The following CXADR variants were observed in gnomAD, a reference collection of about 807,000 sequenced individuals.
CXADR encodes coxsackievirus and adenovirus receptor.
In CXADR, 20 loss-of-function variants were observed where a neutral mutation model predicts 40.3. The ratio of observed to expected loss-of-function variants is 0.50; its 90% confidence interval spans 0.35 to 0.72. CXADR has a LOEUF of 0.72. Ranked by LOEUF, CXADR falls within the 30% of genes least tolerant of loss-of-function variation. The pLI, the probability that CXADR is intolerant of heterozygous loss-of-function variation, is 0.01. For missense variants in CXADR, 332 were observed against 449.1 expected, an observed-to-expected ratio of 0.74 and a Z score of 2.36; for synonymous variants, 150 against 161.3, an observed-to-expected ratio of 0.93 and a Z score of 0.53.
Position 17,546,607 on chromosome 21 carries a change from A to G in CXADR, c.44-420A>G, listed in dbSNP as rs2060900357. ...AGGGGGAAATCCACCCCCATGATCC[A>G]GTCACCTCCCACCAGGCCTCTCTTC... On this transcript the variant is annotated intron_variant, in intron 1 of 6. Transcript: ENST00000284878. Among the ~76,000 whole-genome samples, 4 of 152,302 alleles carry G rather than the reference A, an allele frequency of 2.6e-5. No homozygotes were observed. The South Asian group carries it at 8.3e-4, about 32-fold the overall frequency.
chr21:17,611,159 C>T, the CXADR span, among the ~76,000 whole-genome samples: 375 of 152,300 alleles, frequency 2.5e-3, no homozygotes, highest in African/African-American at 8.4e-3. Context: ...TGTAAAGCTA[C>T]GTTTATATTC....
the CXADR span, among the ~76,000 whole-genome samples, chr21:17,619,897 TCTGCAA>T: frequency 6.6e-6 from 1 of 152,086 alleles, no homozygotes; most frequent in Non-Finnish European, 1.5e-5. Flanking sequence ...CAACTTTTCA[TCTGCAA>T]CTGCCTCACC....
At position 17,559,002 on chromosome 21, in the gene CXADR, G is replaced by A. The variant is rs775917337; in HGVS notation, c.442G>A (p.Val148Ile). ...TAAGCCTTCAGGTGCGAGATGTTAC[G>A]TTGATGGATCTGAAGAAATTGGAAG... is the stretch of plus-strand genomic sequence containing the variant. ...LVKPSGARCY[V>I]DGSEEIGSDF... The change falls in exon 4 of 7, where the codon GTT becomes ATT. Residue 148 changes from valine to isoleucine, a missense_variant. By Grantham distance (29) the Val-to-Ile change is conservative. Transcript: ENST00000284878. 1.5e-5 allele frequency: 24 copies of A among 1,612,998 alleles called. No individual in the cohort carries two copies. The highest frequency in any genetic ancestry group is 5.0e-5 in the Admixed American group (3 of 59,874).
At chr21:17,516,357 G>A (rs1418814936) in intron 1 of CXADR, among the ~76,000 whole-genome samples, 2 of 152,164 alleles carry the variant, frequency 1.3e-5, no homozygotes, top group East Asian at 1.9e-4. Flanking sequence ...AGAACCTACT[G>A]TTGGTTTGAC....
intron 1 of CXADR, among the ~76,000 whole-genome samples, chr21:17,514,073 T>C (rs1463968974): frequency 1.3e-5 from 2 of 152,236 alleles, no homozygotes; most frequent in Non-Finnish European, 2.9e-5. Flanking sequence ...GGATTTTCCA[T>C]GTCGGTGTTT....
At chr21:17,537,405 TA>T (rs2060772529) in intron 1 of CXADR, among the ~76,000 whole-genome samples, 1 of 152,236 alleles carries the variant, frequency 6.6e-6, no homozygotes, top group African/African-American at 2.4e-5. Context: ...TCAAAATTGT[TA>T]TCTGCTTACC....
At chr21:17,608,148 G>T in the CXADR span, among the ~76,000 whole-genome samples, 1 of 152,118 alleles carries the variant, frequency 6.6e-6, no homozygotes, top group Non-Finnish European at 1.5e-5. Flanking sequence ...AGAAGATCGC[G>T]TGAGGCCAGG....
the CXADR span, chr21:17,604,072 C>G: frequency 8.4e-7 from 1 of 1,195,324 alleles, no homozygotes. Context: ...TTTCACAACT[C>G]TATTCATTAG....
chr21:17,579,581 G>A (rs913281315), intron 7 of CXADR, among the ~76,000 whole-genome samples: 1 of 152,170 alleles, frequency 6.6e-6, no homozygotes, highest in African/African-American at 2.4e-5. Context: ...ACTGCGCCCC[G>A]CCGGTCTCAC....
chr21:17,572,573 T>C (rs1341258391), downstream of CXADR, among the ~76,000 whole-genome samples: 3 of 152,070 alleles, frequency 2.0e-5, no homozygotes, highest in Admixed American at 1.3e-4. Flanking sequence ...GGATTCCCGC[T>C]GAATAGGTCT....
chr21:17,608,369 ACCACAAAAAAAAAAAACTC>A, the CXADR span, among the ~76,000 whole-genome samples: 4 of 142,684 alleles, frequency 2.8e-5, 1 homozygote, highest in South Asian at 2.2e-4. Context: ...CAAAAACAAT[ACCACAAAAAAAAAAAACTC>A]CCAGAAAAGC....
intron 7 of CXADR, among the ~76,000 whole-genome samples, chr21:17,583,226 A>G (rs976276832): frequency 2.6e-5 from 4 of 152,210 alleles, no homozygotes; most frequent in Non-Finnish European, 4.4e-5. Context: ...CATGATAAAG[A>G]TGTGCTATAT....
intron 1 of CXADR, among the ~76,000 whole-genome samples, chr21:17,519,891 T>C (rs1189525142): frequency 6.6e-6 from 1 of 151,940 alleles, no homozygotes; most frequent in East Asian, 1.9e-4. Flanking sequence ...GCTGGGAGGC[T>C]GAGGTTTCAG....
intron 7 of CXADR, among the ~76,000 whole-genome samples, chr21:17,592,497 TTCTG>T (rs1329615100): frequency 2.0e-5 from 3 of 151,856 alleles, no homozygotes; most frequent in African/African-American, 4.8e-5. Flanking sequence ...AATAAATAAA[TTCTG>T]TCTGCTAACT....
Position 17,538,644 on chromosome 21 carries a change from G to A in CXADR, c.44-8383G>A, listed in dbSNP as rs76913330. Among the ~76,000 whole-genome samples the A allele has an allele frequency of 6.7e-3, 1,013 of 151,862 alleles. 11 individuals carry two copies. Among genetic ancestry groups the A allele is most frequent in the African/African-American group, 0.023 (970 of 41,402 alleles). Reference sequence around the variant, plus strand: ...AACATAACGAGACTGCAACTCCACTGGGAAAATAAAAATAAAAATAAAATT... The same window carrying A: ...AACATAACGAGACTGCAACTCCACTAGGAAAATAAAAATAAAAATAAAATT... On this transcript the variant is annotated intron_variant, in intron 1 of 6. Coordinates refer to ENST00000284878, the MANE Select transcript of CXADR (RefSeq NM_001338.5).
chr21:17,583,820 A>T (rs2061376694), intron 7 of CXADR, among the ~76,000 whole-genome samples: 1 of 152,194 alleles, frequency 6.6e-6, no homozygotes, highest in Non-Finnish European at 1.5e-5. Context: ...TTCTTTGAGG[A>T]CAGTTTACCA....
At chr21:17,540,158 A>G (rs2060808854) in intron 1 of CXADR, among the ~76,000 whole-genome samples, 2 of 151,940 alleles carry the variant, frequency 1.3e-5, no homozygotes, top group African/African-American at 4.8e-5. Context: ...CCTTCTCTTA[A>G]GCGGATGTCA....
At chr21:17,610,694 G>C in the CXADR span, among the ~76,000 whole-genome samples, 1 of 152,138 alleles carries the variant, frequency 6.6e-6, no homozygotes, top group East Asian at 1.9e-4. Flanking sequence ...GCTGCCTTTA[G>C]TAAGCAACAT....
At chr21:17,518,030 A>T (rs184543540) in intron 1 of CXADR, among the ~76,000 whole-genome samples, 1 of 152,238 alleles carries the variant, frequency 6.6e-6, no homozygotes, top group Non-Finnish European at 1.5e-5. Context: ...AACCAAGCAG[A>T]TTAAAATCAA....
Sources: allele counts gnomAD v4.1 joint callset (sites outside exome capture counted in the v4.1 genomes callset), GRCh38; gene constraint gnomAD v4.1.1; transcripts MANE v1.5; gene names NCBI Gene and HGNC (gene_info 2026-07-23, HGNC 2026-07-21).